Variants in NCKAP5 observed in about 807,000 individuals in gnomAD.
NCKAP5 encodes nck-associated protein 5.
NCKAP5 carries 92 observed loss-of-function variants against 167.0 expected under a neutral mutation model. The ratio of observed to expected loss-of-function variants is 0.55; its 90% CI spans 0.47 to 0.66. The LOEUF (loss-of-function observed/expected upper bound fraction) is 0.66, where lower values mean the gene tolerates loss of function less well. Among genes scored for constraint, NCKAP5 ranks in the 30% least tolerant of loss-of-function variants. The pLI, the probability that NCKAP5 is intolerant of heterozygous loss-of-function variation, is 0.00. For synonymous variants in NCKAP5, 891 were observed against 877.4 expected, an observed-to-expected ratio of 1.02 and a Z score of -0.27; for missense variants, 2,378 against 2,315.0, an observed-to-expected ratio of 1.03 and a Z score of -0.56.
At chr2:133,381,601 T>C (rs113929353) in intron 3 of NCKAP5, 36 of 152,340 alleles carry the variant, frequency 2.4e-4, no homozygotes, top group African/African-American at 8.2e-4. Context: ...GACTATCTAG[T>C]TCAACTGCTT....
intron 6 of NCKAP5, among the ~76,000 whole-genome samples, chr2:132,996,959 G>C (rs1573678699): frequency 6.6e-6 from 1 of 152,258 alleles, no homozygotes; most frequent in African/African-American, 2.4e-5. Context: ...ATCTTTTCCA[G>C]GCCCATCTTG....
Position 133,179,746 on chromosome 2 carries a change from G to C in NCKAP5, c.207+33970C>G, listed in dbSNP as rs116940927. On this transcript the variant is annotated intron_variant, in intron 5 of 19. Coordinates refer to ENST00000409261, the MANE Select transcript of NCKAP5 (RefSeq NM_207363.3). ...AATGAGTGGGCTCAATCGTAGCATG[G>C]AGGTGCAGTGAACTTCACAGACAAA... 5.8e-3 allele frequency among the ~76,000 whole-genome samples: 887 copies of C among 152,222 alleles called. 14 individuals carry two copies. Among genetic ancestry groups the C allele is most frequent in the East Asian group, 0.017 (89 of 5,182 alleles).
At chr2:133,369,807 T>C (rs1480084337) in intron 3 of NCKAP5, among the ~76,000 whole-genome samples, 1 of 152,230 alleles carries the variant, frequency 6.6e-6, no homozygotes, top group Non-Finnish European at 1.5e-5. Context: ...GTTATAAATA[T>C]AGAAAATGGA....
intron 6 of NCKAP5, among the ~76,000 whole-genome samples, chr2:132,996,566 C>T (rs2077606789): frequency 6.6e-6 from 1 of 152,132 alleles, no homozygotes; most frequent in Non-Finnish European, 1.5e-5. Flanking sequence ...ATTCTTATAG[C>T]CCTATACTTC....
intron 8 of NCKAP5, among the ~76,000 whole-genome samples, chr2:132,933,178 G>A (rs1244635885): frequency 1.3e-5 from 2 of 152,014 alleles, no homozygotes; most frequent in African/African-American, 4.8e-5. Flanking sequence ...GCCCGCTGCG[G>A]CCTCCCAAAG....
chr2:132,768,148 A>G (rs1000554079), intron 16 of NCKAP5, among the ~76,000 whole-genome samples: 1 of 152,214 alleles, frequency 6.6e-6, no homozygotes, highest in Non-Finnish European at 1.5e-5. Context: ...TTGGTGGTAA[A>G]TAACATGTAT....
intron 19 of NCKAP5, among the ~76,000 whole-genome samples, chr2:132,673,871 G>A (rs1684076807): frequency 8.5e-6 from 1 of 117,086 alleles, no homozygotes; most frequent in South Asian, 2.8e-4. Flanking sequence ...GAAGGCCCAA[G>A]GGCTTAAAAA....
intron 6 of NCKAP5, among the ~76,000 whole-genome samples, chr2:133,026,618 T>A (rs1167520777): frequency 6.6e-6 from 1 of 152,186 alleles, no homozygotes; most frequent in African/African-American, 2.4e-5. Flanking sequence ...TTTATTAGAT[T>A]TCCCTTCTAG....
At chr2:133,089,218 CT>C (rs1391285193) in intron 6 of NCKAP5, among the ~76,000 whole-genome samples, 1 of 152,180 alleles carries the variant, frequency 6.6e-6, no homozygotes, top group African/African-American at 2.4e-5. Flanking sequence ...GTCTATAGTA[CT>C]CACAACACTT....
intron 6 of NCKAP5, among the ~76,000 whole-genome samples, chr2:133,031,249 C>G (rs554080196): frequency 6.6e-6 from 1 of 151,364 alleles, no homozygotes; most frequent in South Asian, 2.1e-4. Flanking sequence ...CCCCTACCCC[C>G]AGCAGCAGCA....
intron 3 of NCKAP5, among the ~76,000 whole-genome samples, chr2:133,343,148 G>T (rs1683709101): frequency 6.6e-6 from 1 of 152,200 alleles, no homozygotes; most frequent in African/African-American, 2.4e-5. Context: ...GTTACAGTTT[G>T]CACAGTGCAT....
intron 7 of NCKAP5, among the ~76,000 whole-genome samples, chr2:132,965,604 C>T (rs1215983965): frequency 6.6e-6 from 1 of 151,910 alleles, no homozygotes; most frequent in East Asian, 1.9e-4. Context: ...TACATATATC[C>T]ACACATACAC....
intron 16 of NCKAP5, among the ~76,000 whole-genome samples, chr2:132,746,045 T>A (rs942297790): frequency 6.6e-6 from 1 of 151,910 alleles, no homozygotes; most frequent in South Asian, 2.1e-4. Flanking sequence ...CAAAACACTA[T>A]CAGGTTTTTT....
chr2:132,862,783 A>G (rs1489720825), intron 10 of NCKAP5, among the ~76,000 whole-genome samples: 3 of 151,880 alleles, frequency 2.0e-5, no homozygotes, highest in African/African-American at 7.2e-5. Context: ...AAAAAACCAA[A>G]AAAAAACAAA....
chr2:133,346,063 C>G (rs943685518), intron 3 of NCKAP5, among the ~76,000 whole-genome samples: 1 of 152,164 alleles, frequency 6.6e-6, no homozygotes, highest in Non-Finnish European at 1.5e-5. Flanking sequence ...GTTTCCCTAT[C>G]AATTATATTC....
chr2:133,486,867 C>G (rs141267398), intron 3 of NCKAP5, among the ~76,000 whole-genome samples: 106 of 152,238 alleles, frequency 7.0e-4, no homozygotes, highest in African/African-American at 2.4e-3. Context: ...ATTGTATTTC[C>G]TGTAATTCAG....
chr2:133,186,782 G>A (rs1380128198), intron 5 of NCKAP5, among the ~76,000 whole-genome samples: 5 of 151,956 alleles, frequency 3.3e-5, no homozygotes, highest in Non-Finnish European at 7.4e-5. Context: ...GTATTTCTGT[G>A]AGATTAATTG....
chr2:133,198,719 G>C (rs1226150164), intron 5 of NCKAP5, among the ~76,000 whole-genome samples: 2 of 152,090 alleles, frequency 1.3e-5, no homozygotes, highest in Non-Finnish European at 2.9e-5. Context: ...TGCCCACATT[G>C]ATACAGAGAT....
the NCKAP5 span, among the ~76,000 whole-genome samples, chr2:133,609,176 A>G: frequency 1.3e-5 from 2 of 152,056 alleles, no homozygotes; most frequent in African/African-American, 4.8e-5. Context: ...TGTATTTTTA[A>G]TGTACTCATT....
Sources: allele counts gnomAD v4.1 joint callset (sites outside exome capture counted in the v4.1 genomes callset), GRCh38; gene constraint gnomAD v4.1.1; transcripts MANE v1.5; gene names NCBI Gene and HGNC (gene_info 2026-07-23, HGNC 2026-07-21).